Variants in ZDHHC13 observed in about 807,000 individuals in gnomAD.
The protein encoded by ZDHHC13 is zDHHC palmitoyltransferase 13, also known as palmitoyltransferase ZDHHC13.
ZDHHC13 carries 85 observed loss-of-function variants against 86.0 expected under a neutral mutation model. The ratio of observed to expected loss-of-function variants is 0.99; its 90% CI spans 0.83 to 1.18. The LOEUF is 1.18. ZDHHC13 is among the 50% of genes most tolerant of loss of function. The pLI is 0.00. For synonymous variants in ZDHHC13, 263 were observed against 246.4 expected (o/e 1.07, Z -0.63); for missense variants, 711 against 730.2 (o/e 0.97, Z 0.30).
chr11:19,146,098 A>G, intron 2 of ZDHHC13, 83 bp from the exon 3 acceptor site: 2 of 1,380,926 alleles, frequency 1.4e-6, no homozygotes, highest in Non-Finnish European at 1.9e-6. Context: ...TTGGATAGTG[A>G]AAAGATATAG....
intron 1 of ZDHHC13, among the ~76,000 whole-genome samples, chr11:19,125,362 A>G (rs549130570): frequency 6.6e-6 from 1 of 152,212 alleles, no homozygotes; most frequent in Non-Finnish European, 1.5e-5. Context: ...GTGGCAAATA[A>G]GCATGTGAAA....
At position 19,147,780 on chromosome 11, in the gene ZDHHC13, C is replaced by CCA. The variant is rs757846318; in HGVS notation, c.374+108_374+109insAC. 1,353 of 754,018 alleles carry CCA rather than the reference C, an allele frequency of 1.8e-3. 29 individuals are homozygous for CCA. Among genetic ancestry groups the CCA allele is most frequent in the Non-Finnish European group, 2.4e-3 (1,252 of 519,334 alleles). 46.7% of individuals were successfully genotyped at this position (754,018 alleles called of 1,614,324 possible). A position where few individuals can be genotyped will look rare whatever the true frequency, so the allele number is the denominator to read the frequency against. ...GAAAGGCTGTCTTTTCTTCCCCCCC[C>CCA]CCCTTTATTTAAAAATAAATTTCAG... On this transcript the variant is annotated intron_variant, in intron 4 of 16. Coordinates refer to ENST00000446113, the MANE Select transcript of ZDHHC13 (RefSeq NM_019028.3).
chr11:19,153,105 T>C (rs1428856097), intron 8 of ZDHHC13, among the ~76,000 whole-genome samples: 2 of 152,186 alleles, frequency 1.3e-5, no homozygotes, highest in African/African-American at 4.8e-5. Flanking sequence ...TTCCTTAGAA[T>C]CATAAGGACT....
chr11:19,172,811 C>T lies in ZDHHC13; in HGVS notation c.1721C>T (p.Thr574Ile), dbSNP rs1327132496. The T allele has an allele frequency of 1.9e-6, 3 of 1,600,948 alleles. No individual in the cohort carries two copies. The highest frequency in any genetic ancestry group is 2.6e-6 in the Non-Finnish European group (3 of 1,173,920). The change falls in exon 16 of 17, where the codon ACA becomes ATA. Residue 574 changes from threonine (T) to isoleucine (I), a missense_variant. Thr to Ile is a moderately conservative substitution (Grantham distance 89, BLOSUM62 -1). Transcript: ENST00000446113. Reference protein sequence around the residue: ...HMKQTLSLRKTPYNLGFMQNL... With the variant: ...HMKQTLSLRKIPYNLGFMQNL... ...AAACAGACGTTGTCCCTCAGGAAGA[C>T]ACCATACAAGTAAGCGAGACCTGTT...
intron 13 of ZDHHC13, 120 bp downstream of exon 13, chr11:19,165,265 C>A: frequency 2.3e-6 from 2 of 856,734 alleles, no homozygotes; most frequent in Non-Finnish European, 3.7e-6. Flanking sequence ...ATTCCAATAG[C>A]AATGGGCCCA....
At chr11:19,170,329 A>C in intron 14 of ZDHHC13, 82 bp from the exon 15 acceptor site, 14 of 1,468,438 alleles carry the variant, frequency 9.5e-6, no homozygotes, top group Middle Eastern at 2.0e-4. Flanking sequence ...CCTATATAGA[A>C]CTGCAGTGAT....
chr11:19,144,162 A>G (rs1849395962), intron 2 of ZDHHC13, among the ~76,000 whole-genome samples: 1 of 152,180 alleles, frequency 6.6e-6, no homozygotes, highest in African/African-American at 2.4e-5. Flanking sequence ...GTTGAATATT[A>G]TTTGATATTG....
At position 19,165,881 on chromosome 11, in the gene ZDHHC13, A is replaced by G. The variant is rs79812528; in HGVS notation, c.1391-421A>G. ...TGTCACAGGATAGGACAGCCTAGCTAGAAAAGTGTTTGCTTAGTTAACTTT... is the reference window on the plus strand; with the variant it reads ...TGTCACAGGATAGGACAGCCTAGCTGGAAAAGTGTTTGCTTAGTTAACTTT... On this transcript the variant is annotated intron_variant, in intron 13 of 16. Coordinates refer to ENST00000446113, the MANE Select transcript of ZDHHC13 (RefSeq NM_019028.3). Among the ~76,000 whole-genome samples the G allele has an allele frequency of 8.0e-3, 1,218 of 152,326 alleles. 22 individuals are homozygous for G. Among genetic ancestry groups the G allele is most frequent in the African/African-American group, 0.028 (1,157 of 41,572 alleles).
intron 8 of ZDHHC13, among the ~76,000 whole-genome samples, chr11:19,153,359 G>T (rs182776420): frequency 6.6e-6 from 1 of 152,254 alleles, no homozygotes; most frequent in East Asian, 1.9e-4. Flanking sequence ...TGTTAAAATG[G>T]AATATTGGAT....
rs1318078274 is a variant in ZDHHC13 at position 19,136,170 on chromosome 11, T to G, written c.28-6808T>G. Among the ~76,000 whole-genome samples, 4 of 152,174 alleles carry G rather than the reference T, an allele frequency of 2.6e-5. No individual in the cohort carries two copies. The Middle Eastern group carries it at 0.01, about 388-fold the overall frequency. ...AACCAAAGGCAAAGAAGTTGAAAAC[T>G]TTGAAAAAAGTTTAGAAGAATGTAT... On this transcript the variant is annotated intron_variant, in intron 1 of 16. Coordinates refer to ENST00000446113, the MANE Select transcript of ZDHHC13 (RefSeq NM_019028.3).
Position 19,117,432 on chromosome 11 carries a change from A to T in ZDHHC13, c.27+156A>T, listed in dbSNP as rs1275030982. On this transcript the variant is annotated intron_variant, in intron 1 of 16. Transcript: ENST00000446113. This position sits in a 1 kb window ranked among gnomAD's most constrained non-coding sequence, Gnocchi z 4.2. The stretch of plus-strand genomic sequence containing the variant: ...CGGGAGCCTGGAAACACCACGAACG[A>T]TGCTGGAAATTGTCTCTGAGGCGAC... 6.6e-6 allele frequency among the ~76,000 whole-genome samples: 1 copy of T among 152,112 alleles called. No individual in the cohort carries two copies. The highest frequency in any genetic ancestry group is 2.4e-5 in the African/African-American group (1 of 41,416).
At chr11:19,153,091 A>G (rs755220104) in intron 8 of ZDHHC13, among the ~76,000 whole-genome samples, 27 of 152,194 alleles carry the variant, frequency 1.8e-4, no homozygotes, top group Non-Finnish European at 3.4e-4. Context: ...AACATTTACA[A>G]TGTTTCCTTA....
At chr11:19,168,818 T>C in intron 14 of ZDHHC13, 2 of 985,462 alleles carry the variant, frequency 2.0e-6, no homozygotes, top group Non-Finnish European at 2.4e-6. Context: ...ATTTCATCTT[T>C]TGTAAGGTCT....
Position 19,152,722 on chromosome 11 carries a change from C to A in ZDHHC13, c.873+38C>A, listed in dbSNP as rs751927579. On this transcript the variant is annotated intron_variant, in intron 8 of 16. Coordinates refer to ENST00000446113, the MANE Select transcript of ZDHHC13 (RefSeq NM_019028.3). ...GGGGTCTTTTCTATGGGATAGATGA[C>A]TTTTTTTGTTCATTTGGTTTTGTTT... 3.1e-6 allele frequency: 5 copies of A among 1,610,174 alleles called. No homozygotes were observed. In the East Asian group the frequency reaches 1.1e-4, roughly 36 times the overall value.
chr11:19,161,556 A>G (rs958427082), intron 10 of ZDHHC13, among the ~76,000 whole-genome samples: 1 of 151,902 alleles, frequency 6.6e-6, no homozygotes, highest in Non-Finnish European at 1.5e-5. Flanking sequence ...GGTACCTTTT[A>G]TAAGTTCAGC....
At chr11:19,153,602 T>C (rs900725169) in intron 8 of ZDHHC13, among the ~76,000 whole-genome samples, 3 of 152,302 alleles carry the variant, frequency 2.0e-5, no homozygotes, top group Non-Finnish European at 4.4e-5. Context: ...CATCTCTTGT[T>C]GGTAGGGTGC....
At chr11:19,127,027 A>G (rs1050450327) in intron 1 of ZDHHC13, among the ~76,000 whole-genome samples, 3 of 152,212 alleles carry the variant, frequency 2.0e-5, no homozygotes, top group East Asian at 1.9e-4. Flanking sequence ...CTCGTTGAGG[A>G]ATCGCCATAC....
intron 6 of ZDHHC13, among the ~76,000 whole-genome samples, chr11:19,151,357 A>G (rs1454013234): frequency 1.3e-5 from 2 of 152,126 alleles, no homozygotes; most frequent in Non-Finnish European, 2.9e-5. Flanking sequence ...ATCTAGGCAG[A>G]TACTTACGAC....
At chr11:19,159,728 A>G (rs1271712747) in intron 10 of ZDHHC13, among the ~76,000 whole-genome samples, 1 of 152,034 alleles carries the variant, frequency 6.6e-6, no homozygotes, top group African/African-American at 2.4e-5. Context: ...CTTAAGGATC[A>G]GGGCCCAGGA....
Sources: allele counts gnomAD v4.1 joint callset (sites outside exome capture counted in the v4.1 genomes callset), GRCh38; gene constraint gnomAD v4.1.1; non-coding constraint Gnocchi (gnomAD v3.1); transcripts MANE v1.5; gene names NCBI Gene and HGNC (gene_info 2026-07-23, HGNC 2026-07-21).